Variants in ANKHD1 observed in about 807,000 individuals in gnomAD.
The protein encoded by ANKHD1 is ankyrin repeat and KH domain containing 1, also known as ankyrin repeat and KH domain-containing protein 1.
A neutral mutation model predicts 230.5 loss-of-function variants in ANKHD1; 31 were observed. The observed-to-expected ratio is 0.13, with a 90% CI of 0.10 to 0.18. The LOEUF is 0.18. Ranked by LOEUF, ANKHD1 falls within the 10% of genes least tolerant of loss-of-function variation. ANKHD1 has a pLI of 1.00. For synonymous variants in ANKHD1, 1,074 were observed against 1,117.6 expected, an observed-to-expected ratio of 0.96 and a Z score of 0.78; for missense variants, 2,256 against 3,071.3, an observed-to-expected ratio of 0.73 and a Z score of 6.27.
chr5:140,526,893 AT>A, intron 26 of ANKHD1, 34 bp from the exon 27 acceptor site: 1 of 1,584,524 alleles, frequency 6.3e-7, no homozygotes, highest in Non-Finnish European at 8.6e-7. Context: ...CTTAAAACTT[AT>A]CTTTTATTGT....
chr5:140,428,619 G>T (rs944543715), intron 1 of ANKHD1, among the ~76,000 whole-genome samples: 29 of 152,158 alleles, frequency 1.9e-4, no homozygotes, highest in African/African-American at 6.8e-4. Flanking sequence ...ATCAGAGGGA[G>T]ACCGTGGAAA....
chr5:140,479,002 T>TATTC (rs1351423017), intron 10 of ANKHD1, among the ~76,000 whole-genome samples: 1 of 149,312 alleles, frequency 6.7e-6, no homozygotes, highest in Admixed American at 6.7e-5. Flanking sequence ...AATTTTTATT[T>TATTC]ATTTATTTAT....
chr5:140,498,595 A>G (rs1354172231), intron 15 of ANKHD1, among the ~76,000 whole-genome samples: 1 of 152,230 alleles, frequency 6.6e-6, no homozygotes, highest in African/African-American at 2.4e-5. Flanking sequence ...GACACAAATT[A>G]ACTTTGTATT....
chr5:140,479,370 T>C (rs1751141476), intron 10 of ANKHD1, among the ~76,000 whole-genome samples: 1 of 152,154 alleles, frequency 6.6e-6, no homozygotes, highest in Non-Finnish European at 1.5e-5. Flanking sequence ...GCATGATATT[T>C]AAGTTTGTAG....
intron 7 of ANKHD1, among the ~76,000 whole-genome samples, chr5:140,453,984 A>G (rs984203161): frequency 6.6e-6 from 1 of 152,230 alleles, no homozygotes; most frequent in Admixed American, 6.5e-5. Context: ...ACGTGCAGAG[A>G]CACACATAGG....
Position 140,507,802 on chromosome 5 carries a change from G to A in ANKHD1, c.3569G>A (p.Gly1190Asp). 6.2e-7 allele frequency: 1 copy of A among 1,613,940 alleles called. No individual in the cohort carries two copies. ...EINSRTGSKL[G>D]ISPLMLAAMN... The stretch of plus-strand genomic sequence containing the variant: ...CCCTTTAGGACTGGGAGTAAACTAG[G>A]TATTTCTCCCCTGATGTTGGCTGCA... Residue 1190 changes from glycine (G) to aspartate (D), a missense_variant, in exon 20 of 34, where the codon GGT becomes GAT. Around this residue, in one of 13 missense-constraint regions of ANKHD1, gnomAD observed 15 missense variants for 63.7 expected, o/e 0.24. Coordinates refer to ENST00000360839, the MANE Select transcript of ANKHD1 (RefSeq NM_017747.3). The surrounding 1 kb of genome is among the most constrained non-coding windows in gnomAD (Gnocchi z 4.1).
At chr5:140,486,903 G>T in intron 13 of ANKHD1, 55 bp from the exon 14 acceptor site, 2 of 1,544,374 alleles carry the variant, frequency 1.3e-6, no homozygotes, top group Non-Finnish European at 1.8e-6. Flanking sequence ...TTCATTTATG[G>T]GCCTTTGTCT....
intron 1 of ANKHD1, among the ~76,000 whole-genome samples, chr5:140,415,027 A>T (rs1365418920): frequency 1.3e-5 from 2 of 151,988 alleles, no homozygotes; most frequent in Non-Finnish European, 2.9e-5. Context: ...TGATGAACCT[A>T]ATTTATCTGT....
chr5:140,428,503 G>T (rs1162016453), intron 1 of ANKHD1, among the ~76,000 whole-genome samples: 2 of 152,262 alleles, frequency 1.3e-5, no homozygotes, highest in Non-Finnish European at 2.9e-5. Context: ...AGGCGTGGTG[G>T]CGCACGCCTG....
At chr5:140,416,099 C>T (rs1436325790) in intron 1 of ANKHD1, among the ~76,000 whole-genome samples, 2 of 152,128 alleles carry the variant, frequency 1.3e-5, no homozygotes, top group Non-Finnish European at 2.9e-5. Flanking sequence ...CATCCATGTC[C>T]CTACAAAGGA....
At position 140,529,346 on chromosome 5, in the gene ANKHD1, T is replaced by G. The variant is rs778656122; in HGVS notation, c.6400T>G (p.Ser2134Ala). 5 of 1,614,094 alleles carry G rather than the reference T, an allele frequency of 3.1e-6. No homozygotes were observed. Among genetic ancestry groups the G allele is most frequent in the Non-Finnish European group, 4.2e-6 (5 of 1,180,042 alleles). The stretch of plus-strand genomic sequence containing the variant: ...GTTAGCTGTACCAGCACCTCGAGTT[T>G]CTCATCGAATGCAGCCCAGAGGTTC... Reference protein sequence around the residue: ...PQLAVPAPRVSHRMQPRGSFY... With the variant: ...PQLAVPAPRVAHRMQPRGSFY... Residue 2134 changes from serine to alanine, a missense_variant, in exon 29 of 34, where the codon TCT (serine) becomes GCT (alanine). Coordinates refer to ENST00000360839, the MANE Select transcript of ANKHD1 (RefSeq NM_017747.3).
At chr5:140,465,549 T>C (rs891566406) in intron 10 of ANKHD1, among the ~76,000 whole-genome samples, 3 of 152,230 alleles carry the variant, frequency 2.0e-5, no homozygotes, top group Non-Finnish European at 2.9e-5. Context: ...TAAAAACTTA[T>C]GTGTGACATA....
In ANKHD1 at chr5:140,496,743, C is replaced by G; in HGVS notation, c.2469C>G (p.Asn823Lys). Residue 823 changes from asparagine (N) to lysine (K), a missense_variant, in exon 15 of 34, where the codon AAC becomes AAG. Transcript: ENST00000360839. Reference protein sequence around the residue: ...NKDKIEELKKNREEQVQKKKK... With the variant: ...NKDKIEELKKKREEQVQKKKK... The stretch of plus-strand genomic sequence containing the variant: ...ATAAGATAGAAGAACTTAAAAAGAA[C>G]AGAGAAGAGCAAGTCCAGAAGAAGA... 1.9e-6 allele frequency: 3 copies of G among 1,613,594 alleles called. No homozygotes were observed. Among genetic ancestry groups the G allele is most frequent in the Non-Finnish European group, 2.5e-6 (3 of 1,179,914 alleles).
chr5:140,485,956 A>C lies in ANKHD1; in HGVS notation c.2142+224A>C. ...TAGTGGTTTTTAAAAACCACTTAAT[A>C]TCAAATATAAACGTAAGTATTCTAA... is the stretch of plus-strand genomic sequence containing the variant. On this transcript the variant is annotated intron_variant, in intron 13 of 33. Coordinates refer to ENST00000360839, the MANE Select transcript of ANKHD1 (RefSeq NM_017747.3). This position sits in a 1 kb window ranked among gnomAD's most constrained non-coding sequence, Gnocchi z 4.8. The C allele has an allele frequency of 1.8e-6, 1 of 557,744 alleles. No homozygotes were observed. The highest frequency in any genetic ancestry group is 2.9e-6 in the Non-Finnish European group (1 of 339,704). The allele number at this position is 557,744 out of a possible 1,614,324, so 34.5% of individuals were successfully genotyped here. A position where few individuals can be genotyped will look rare whatever the true frequency, so the allele number is the denominator to read the frequency against.
At chr5:140,503,937 A>G (rs1163527200) in intron 15 of ANKHD1, among the ~76,000 whole-genome samples, 1 of 152,136 alleles carries the variant, frequency 6.6e-6, no homozygotes, top group Non-Finnish European at 1.5e-5. Flanking sequence ...TCATTTTAAA[A>G]ATAGTTGGAC....
intron 1 of ANKHD1, among the ~76,000 whole-genome samples, chr5:140,421,794 T>G (rs1358525761): frequency 6.6e-6 from 1 of 152,204 alleles, no homozygotes; most frequent in Non-Finnish European, 1.5e-5. Flanking sequence ...CTGTCTTACT[T>G]GGGACTTGAC....
chr5:140,445,101 C>A (rs1186580367), intron 5 of ANKHD1, among the ~76,000 whole-genome samples: 2 of 152,030 alleles, frequency 1.3e-5, no homozygotes, highest in Non-Finnish European at 2.9e-5. Flanking sequence ...TTCAAGCAAT[C>A]CTCCCACCTT....
intron 1 of ANKHD1, among the ~76,000 whole-genome samples, chr5:140,421,296 C>CTTTTTTTTT (rs35408466): frequency 1.1e-5 from 1 of 94,526 alleles, no homozygotes; most frequent in African/African-American, 3.7e-5. Context: ...AGAGTTTTTA[C>CTTTTTTTTT]TTTTTTTTTT....
At chr5:140,411,914 G>A (rs898489709) in intron 1 of ANKHD1, among the ~76,000 whole-genome samples, 5 of 151,300 alleles carry the variant, frequency 3.3e-5, no homozygotes, top group East Asian at 1.9e-4. Context: ...GCTCACGATC[G>A]TATGGCGCAA....
Sources: gnomAD v4.1 joint callset for allele counts (sites outside exome capture counted in the v4.1 genomes callset) on GRCh38, gnomAD v4.1.1 for gene constraint, gnomAD v4.1.1 regional missense constraint, Gnocchi (gnomAD v3.1) non-coding constraint, MANE v1.5 for transcripts, NCBI Gene and HGNC (gene_info 2026-07-23, HGNC 2026-07-21) for gene names.